Variants in MED15 observed in about 807,000 individuals in gnomAD.
The protein encoded by MED15 is mediator complex subunit 15.
MED15 carries 41 observed loss-of-function variants against 118.7 expected under a neutral mutation model. That is an observed-to-expected ratio of 0.35 (90% CI 0.27 to 0.45). The LOEUF (loss-of-function observed/expected upper bound fraction) is 0.45. Ranked by LOEUF, MED15 falls within the 20% of genes least tolerant of loss-of-function variation. The pLI is 1.00. For synonymous variants in MED15, 436 were observed against 413.9 expected (o/e 1.05, Z -0.65); for missense variants, 740 against 1,025.5 (o/e 0.72, Z 3.80).
intron 1 of MED15, among the ~76,000 whole-genome samples, chr22:20,510,911 TCTC>T (rs1272549629): frequency 7.2e-5 from 11 of 152,142 alleles, no homozygotes; most frequent in Admixed American, 7.2e-4. Flanking sequence ...AGATGGGCAT[TCTC>T]CTACCACAGC....
At chr22:20,548,337 G>C (rs1199855604) in intron 2 of MED15, among the ~76,000 whole-genome samples, 1 of 151,906 alleles carries the variant, frequency 6.6e-6, no homozygotes, top group Non-Finnish European at 1.5e-5. Context: ...AATTTTTTTT[G>C]TATTTTTAGT....
At chr22:20,553,728 C>T (rs901229937) in intron 4 of MED15, among the ~76,000 whole-genome samples, 4 of 151,986 alleles carry the variant, frequency 2.6e-5, no homozygotes, top group Non-Finnish European at 4.4e-5. Context: ...CAAAAATAGC[C>T]GGGTGTGGTG....
chr22:20,537,059 C>A, intron 1 of MED15, 58 bp from the exon 2 acceptor site: 1 of 1,515,486 alleles, frequency 6.6e-7, no homozygotes, highest in Non-Finnish European at 9.1e-7. Context: ...TTGGCCAGGG[C>A]CCTGCAGCGG....
chr22:20,566,116 T>C (rs1489450873), intron 6 of MED15, among the ~76,000 whole-genome samples: 8 of 148,370 alleles, frequency 5.4e-5, no homozygotes, highest in Non-Finnish European at 1.2e-4. Flanking sequence ...CTCGGCTCAC[T>C]GCAACCTCTG....
Position 20,566,706 on chromosome 22 carries a change from T to C in MED15, c.930T>C (p.Val310=). The C allele has an allele frequency of 1.2e-6, 2 of 1,614,104 alleles. No homozygotes were observed. Among genetic ancestry groups the C allele is most frequent in the South Asian group, 2.2e-5 (2 of 91,084 alleles). ...QPPPQPQQPP[V]AQNQPSQLPP... is the part of the protein sequence containing the mutation. ...CACCACAGCCCCAGCAGCCTCCAGT[T>C]GCTCAGAACCAACCATCACAACTCC... Residue 310 remains valine (V), a synonymous_variant, in exon 7 of 18, where the codon GTT becomes GTC. Transcript: ENST00000263205.
At chr22:20,537,401 G>A (rs1000379459) in intron 2 of MED15, among the ~76,000 whole-genome samples, 197 bp downstream of exon 2, 2 of 152,134 alleles carry the variant, frequency 1.3e-5, no homozygotes, top group Non-Finnish European at 1.5e-5. Context: ...AGGGCACTTG[G>A]GTTGCAGGCC....
intron 7 of MED15, among the ~76,000 whole-genome samples, chr22:20,567,271 A>C (rs1187470165): frequency 6.6e-6 from 1 of 152,148 alleles, no homozygotes; most frequent in Non-Finnish European, 1.5e-5. Context: ...AAAGTTCATT[A>C]CTATATTTTT....
intron 1 of MED15, among the ~76,000 whole-genome samples, chr22:20,514,470 C>A (rs1471835517): frequency 6.6e-6 from 1 of 152,130 alleles, no homozygotes; most frequent in Non-Finnish European, 1.5e-5. Flanking sequence ...AGACTTTTAT[C>A]CCTCCCACCC....
In MED15 at chr22:20,585,529, A is replaced by G; in HGVS notation, c.2132-199A>G. ...CCTGGGCCCTAGGGAGGTGGTAGGC[A>G]GGACCTCTGGGCACCCATCAATGCA... On this transcript the variant is annotated intron_variant, in intron 16 of 17. Transcript: ENST00000263205. 3 of 682,550 alleles carry G rather than the reference A, an allele frequency of 4.4e-6. No individual in the cohort carries two copies. In the East Asian group the frequency reaches 8.2e-5, roughly 19 times the overall value. 42.3% of individuals were successfully genotyped at this position (682,550 alleles called of 1,614,324 possible).
chr22:20,537,286 G>T, intron 2 of MED15, 82 bp downstream of exon 2: 1 of 1,193,690 alleles, frequency 8.4e-7, no homozygotes, highest in Non-Finnish European at 1.2e-6. Context: ...CCTCTGTTGG[G>T]TGTCCTAGGG....
At chr22:20,584,604 C>A in intron 14 of MED15, 179 bp downstream of exon 14, 1 of 850,540 alleles carries the variant, frequency 1.2e-6, no homozygotes, top group South Asian at 1.7e-5. Context: ...TGGGAGAAGT[C>A]ACCCTCTGTC....
chr22:20,564,581 G>T lies in MED15; in HGVS notation c.583G>T (p.Ala195Ser). The T allele has an allele frequency of 6.2e-7, 1 of 1,607,944 alleles. No individual in the cohort carries two copies. The highest frequency in any genetic ancestry group is 8.5e-7 in the Non-Finnish European group (1 of 1,175,850). Residue 195 changes from alanine to serine, a missense_variant, in exon 6 of 18, where the codon GCC becomes TCC. By Grantham distance (99) the Ala-to-Ser change is moderately conservative. Around this residue, in one of 7 missense-constraint regions of MED15, gnomAD observed 384 missense variants for 506.3 expected, o/e 0.76. Transcript: ENST00000263205. ...GCAGCAGTTCCAGGCTCAGCAGAGT[G>T]CCATGCAGCAGCAGTTCCAAGCAGT... The part of the protein sequence containing the change: ...QQQQFQAQQS[A>S]MQQQFQAVVQ...
chr22:20,582,227 C>T (rs977383240), intron 9 of MED15: 7 of 320,920 alleles, frequency 2.2e-5, no homozygotes, highest in African/African-American at 8.9e-5. Flanking sequence ...GGGTCCTCAC[C>T]GACCCACAGA....
intron 8 of MED15, among the ~76,000 whole-genome samples, chr22:20,569,977 C>T (rs567234060): frequency 6.6e-6 from 1 of 152,196 alleles, no homozygotes; most frequent in African/African-American, 2.4e-5. Flanking sequence ...AAGCTGCTAC[C>T]TTTGCCTCTT....
intron 16 of MED15, 49 bp from the exon 17 acceptor site, chr22:20,585,679 G>A (rs750068238): frequency 1.3e-6 from 2 of 1,564,986 alleles, no homozygotes; most frequent in East Asian, 2.2e-5. Context: ...TGTGAGGCAG[G>A]GCAGGCCGGG....
intron 9 of MED15, among the ~76,000 whole-genome samples, chr22:20,580,720 TC>T (rs2056956037): frequency 6.6e-6 from 1 of 152,178 alleles, no homozygotes. Context: ...GAACATGTGT[TC>T]CGGTGTCTGG....
intron 9 of MED15, among the ~76,000 whole-genome samples, chr22:20,577,901 G>C (rs533721507): frequency 2.6e-5 from 4 of 152,046 alleles, no homozygotes. Flanking sequence ...GTTTTGTTCT[G>C]TTATTTTGTT....
rs1204066455 is a variant in MED15 at position 20,587,532 on chromosome 22, C to T, written c.*828C>T. 5 of 315,166 alleles carry T rather than the reference C, an allele frequency of 1.6e-5. No homozygotes were observed. The South Asian group carries it at 3.0e-4, about 19-fold the overall frequency. The allele number at this position is 315,166 out of a possible 1,614,324, so 19.5% of individuals were successfully genotyped here. Reference sequence around the variant, plus strand: ...TGTTGCCTGCCACTCTGGGCACCGGCCAGCACCCTCTGGTGAGAAGAGGTC... The same window carrying T: ...TGTTGCCTGCCACTCTGGGCACCGGTCAGCACCCTCTGGTGAGAAGAGGTC... On this transcript the variant is annotated 3_prime_UTR_variant, in exon 18 of 18. Coordinates refer to ENST00000263205, the MANE Select transcript of MED15 (RefSeq NM_001003891.3).
chr22:20,584,865 C>T lies in MED15; in HGVS notation c.1814C>T (p.Pro605Leu). Residue 605 changes from proline (P) to leucine (L), a missense_variant, in exon 15 of 18, where the codon CCA (proline) becomes CTA (leucine). Physicochemically the swap from Pro to Leu is moderately conservative, Grantham distance 98. Transcript: ENST00000263205. Reference protein sequence around the residue: ...LKNDMAVPTPPPPPVPPTKQQ... With the variant: ...LKNDMAVPTPLPPPVPPTKQQ... ...CCATCCTGTCTCCAGCCCACTCCCC[C>T]ACCGCCCCCGGTGCCACCGACCAAA... 1.2e-6 allele frequency: 2 copies of T among 1,612,484 alleles called. No homozygotes were observed. The highest frequency in any genetic ancestry group is 1.7e-6 in the Non-Finnish European group (2 of 1,179,966).
Sources: gnomAD v4.1 joint callset for allele counts (sites outside exome capture counted in the v4.1 genomes callset) on GRCh38, gnomAD v4.1.1 for gene constraint, gnomAD v4.1.1 regional missense constraint, MANE v1.5 for transcripts, NCBI Gene and HGNC (gene_info 2026-07-23, HGNC 2026-07-21) for gene names.